Variants in MAPKAPK5 observed in about 807,000 individuals in gnomAD.
The protein encoded by MAPKAPK5 is MAPK activated protein kinase 5.
MAPKAPK5 carries 30 observed loss-of-function variants against 65.1 expected under a neutral mutation model. The ratio of observed to expected loss-of-function variants is 0.46; its 90% confidence interval spans 0.34 to 0.63. The LOEUF is 0.63. Ranked by LOEUF, MAPKAPK5 falls within the 20% of genes least tolerant of loss-of-function variation. The pLI is 0.01. For missense variants in MAPKAPK5, 433 were observed against 581.4 expected (o/e 0.74, Z 2.63); for synonymous variants, 179 against 204.6 (o/e 0.87, Z 1.07).
chr12:111,842,694 G>C lies in MAPKAPK5; in HGVS notation c.-40G>C. Reference sequence around the variant, plus strand: ...GGCCGCGCGGGGACAGGGCTGCTGAGCAGCCTCCGCCTCTCCCGGCTGTGG... The same window carrying C: ...GGCCGCGCGGGGACAGGGCTGCTGACCAGCCTCCGCCTCTCCCGGCTGTGG... On this transcript the variant is annotated 5_prime_UTR_variant, in exon 1 of 14. Coordinates refer to ENST00000550735, the MANE Select transcript of MAPKAPK5 (RefSeq NM_003668.4). The C allele has an allele frequency of 2.9e-6, 4 of 1,357,460 alleles. No individual in the cohort carries two copies. The highest frequency in any genetic ancestry group is 3.8e-6 in the Non-Finnish European group (4 of 1,049,036). The allele number at this position is 1,357,460 out of a possible 1,614,324, so 84.1% of individuals were successfully genotyped here.
chr12:111,900,891 T>C lies in MAPKAPK5; in HGVS notation c.*7830T>C. Reference sequence around the variant, plus strand: ...GGACCCTAATAATCAGTGCTTACAATTATATGGATATGGTGCAAAATCAGC... The same window carrying C: ...GGACCCTAATAATCAGTGCTTACAACTATATGGATATGGTGCAAAATCAGC... On this transcript the variant is annotated 3_prime_UTR_variant, in exon 14 of 14. Transcript: ENST00000550735. The C allele has an allele frequency of 2.2e-6, 1 of 455,976 alleles. No individual in the cohort carries two copies. Among genetic ancestry groups the C allele is most frequent in the South Asian group, 1.5e-5 (1 of 64,544 alleles). 28.2% of individuals were successfully genotyped at this position (455,976 alleles called of 1,614,324 possible).
chr12:111,900,701 TA>T lies in MAPKAPK5; in HGVS notation c.*7642del, dbSNP rs1204414042. On this transcript the variant is annotated 3_prime_UTR_variant, in exon 14 of 14. Transcript: ENST00000550735. ...AGTGCAGTGATGGTCCATGTTGTCA[TA>T]AGTGTAAATTTCACCGTAAGGGATA... 2.2e-6 allele frequency: 1 copy of T among 456,128 alleles called. No individual in the cohort carries two copies. Among genetic ancestry groups the T allele is most frequent in the Non-Finnish European group, 4.4e-6 (1 of 226,792 alleles). 28.3% of individuals were successfully genotyped at this position (456,128 alleles called of 1,614,324 possible).
chr12:111,886,064 T>G (rs779305103), intron 10 of MAPKAPK5, 28 bp downstream of exon 10: 1 of 1,613,770 alleles, frequency 6.2e-7, no homozygotes, highest in East Asian at 2.2e-5. Flanking sequence ...CTTTGTTGGC[T>G]GAAAAGACTG....
chr12:111,873,517 GT>G (rs2069854218), intron 7 of MAPKAPK5, among the ~76,000 whole-genome samples: 1 of 152,048 alleles, frequency 6.6e-6, no homozygotes, highest in South Asian at 2.1e-4. Context: ...CTAATTTTTT[GT>G]ATTTTTAGTA....
At chr12:111,857,128 T>C (rs938191161) in intron 1 of MAPKAPK5, among the ~76,000 whole-genome samples, 1 of 152,232 alleles carries the variant, frequency 6.6e-6, no homozygotes, top group Non-Finnish European at 1.5e-5. Context: ...TATATCTTTA[T>C]ATGTTATAAC....
In MAPKAPK5 at chr12:111,890,078, G is replaced by A; in HGVS notation, c.1255G>A (p.Glu419Lys). 1.3e-6 allele frequency: 2 copies of A among 1,599,578 alleles called. No homozygotes were observed. The highest frequency in any genetic ancestry group is 8.5e-7 in the Non-Finnish European group (1 of 1,173,328). ...EDEKLNEVMQEAWKYNRECKL... is the reference protein window; with the variant it reads ...EDEKLNEVMQKAWKYNRECKL... ...TGAGAAACTGAATGAAGTAATGCAG[G>A]AGGCTTGGAAGTATAACCGGGAATG... Residue 419 changes from glutamate (E) to lysine (K), a missense_variant, in exon 13 of 14, where the codon GAG becomes AAG. By Grantham distance (56) the Glu-to-Lys change is moderately conservative. Transcript: ENST00000550735.
At chr12:111,880,369 CAT>C (rs1351880568) in intron 7 of MAPKAPK5, 76 bp from the exon 8 acceptor site, 2 of 1,159,234 alleles carry the variant, frequency 1.7e-6, no homozygotes, top group African/African-American at 3.0e-5. Context: ...CCTTCAGTCT[CAT>C]AGTAGCCTGT....
chr12:111,851,615 C>T (rs149149808), intron 1 of MAPKAPK5, among the ~76,000 whole-genome samples: 5 of 152,264 alleles, frequency 3.3e-5, no homozygotes, highest in Non-Finnish European at 5.9e-5. Context: ...CTTCAGCTGC[C>T]GCACCTGGTC....
At chr12:111,849,254 T>C (rs890551278) in intron 1 of MAPKAPK5, among the ~76,000 whole-genome samples, 3 of 151,598 alleles carry the variant, frequency 2.0e-5, no homozygotes, top group African/African-American at 7.3e-5. Context: ...TTTTTTTCTT[T>C]CTTTTTTTTT....
At chr12:111,880,911 G>A (rs896869872) in intron 8 of MAPKAPK5, among the ~76,000 whole-genome samples, 6 of 152,140 alleles carry the variant, frequency 3.9e-5, no homozygotes, top group African/African-American at 1.4e-4. Flanking sequence ...TGAGGTGGAG[G>A]CCATTTCTGA....
intron 7 of MAPKAPK5, among the ~76,000 whole-genome samples, chr12:111,874,354 C>T (rs2069883088): frequency 6.6e-6 from 1 of 151,062 alleles, no homozygotes; most frequent in African/African-American, 2.4e-5. Flanking sequence ...GAGATCATGC[C>T]ATTGCACTCC....
chr12:111,891,105 G>GT (rs1338569664), intron 13 of MAPKAPK5, among the ~76,000 whole-genome samples: 2 of 151,512 alleles, frequency 1.3e-5, no homozygotes, highest in African/African-American at 4.9e-5. Context: ...GTTTTGTTTT[G>GT]TTTTTTGAGA....
chr12:111,853,918 G>T (rs1237470191), intron 1 of MAPKAPK5, among the ~76,000 whole-genome samples: 1 of 152,092 alleles, frequency 6.6e-6, no homozygotes, highest in African/African-American at 2.4e-5. Flanking sequence ...TGTGGTTTTT[G>T]TTCTTTATTC....
chr12:111,900,464 C>T lies in MAPKAPK5; in HGVS notation c.*7403C>T. ...ATGAAAATATCACAAAAGAAAGTGGCTTCAGCAGCTGCAGCTCTGACTACT... is the reference window on the plus strand; with the variant it reads ...ATGAAAATATCACAAAAGAAAGTGGTTTCAGCAGCTGCAGCTCTGACTACT... On this transcript the variant is annotated 3_prime_UTR_variant, in exon 14 of 14. Coordinates refer to ENST00000550735, the MANE Select transcript of MAPKAPK5 (RefSeq NM_003668.4). 2.2e-6 allele frequency: 1 copy of T among 456,098 alleles called. No individual in the cohort carries two copies. The highest frequency in any genetic ancestry group is 1.5e-5 in the South Asian group (1 of 64,564). 28.3% of individuals were successfully genotyped at this position (456,098 alleles called of 1,614,324 possible).
At chr12:111,876,952 C>G (rs2069998625) in intron 7 of MAPKAPK5, among the ~76,000 whole-genome samples, 1 of 151,966 alleles carries the variant, frequency 6.6e-6, no homozygotes, top group African/African-American at 2.4e-5. Context: ...CACTTGTTAT[C>G]TTTTATCTTT....
intron 1 of MAPKAPK5, among the ~76,000 whole-genome samples, chr12:111,862,027 A>G (rs1293560966): frequency 6.7e-6 from 1 of 150,360 alleles, no homozygotes; most frequent in African/African-American, 2.5e-5. Flanking sequence ...GATGTCTTTG[A>G]AGAATTAGTC....
intron 1 of MAPKAPK5, chr12:111,843,045 A>G (rs994308047): frequency 3.0e-5 from 12 of 398,854 alleles, no homozygotes; most frequent in Middle Eastern, 6.3e-4. Context: ...TTAAGTGTCA[A>G]TGAATGGGAC....
intron 1 of MAPKAPK5, among the ~76,000 whole-genome samples, chr12:111,845,621 G>A (rs1212625483): frequency 6.6e-6 from 1 of 152,094 alleles, no homozygotes. Flanking sequence ...ATACCCAAAT[G>A]TGCTTATAAT....
Position 111,842,687 on chromosome 12 carries a change from C to G in MAPKAPK5, c.-47C>G, listed in dbSNP as rs546724296. On this transcript the variant is annotated 5_prime_UTR_variant, in exon 1 of 14. Coordinates refer to ENST00000550735, the MANE Select transcript of MAPKAPK5 (RefSeq NM_003668.4). The stretch of plus-strand genomic sequence containing the variant: ...CTCCCTCGGCCGCGCGGGGACAGGG[C>G]TGCTGAGCAGCCTCCGCCTCTCCCG... 33 of 1,346,270 alleles carry G rather than the reference C, an allele frequency of 2.5e-5. No individual in the cohort carries two copies. In the African/African-American group the frequency reaches 5.0e-4, roughly 20 times the overall value. 83.4% of individuals were successfully genotyped at this position (1,346,270 alleles called of 1,614,324 possible). A position where few individuals can be genotyped will look rare whatever the true frequency, so the allele number is the denominator to read the frequency against.
Sources: allele counts gnomAD v4.1 joint callset (sites outside exome capture counted in the v4.1 genomes callset), GRCh38; gene constraint gnomAD v4.1.1; transcripts MANE v1.5; gene names NCBI Gene and HGNC (gene_info 2026-07-23, HGNC 2026-07-21).